The following NKAIN2 variants were observed in gnomAD, a reference collection of about 807,000 sequenced individuals.
NKAIN2 encodes the protein sodium/potassium transporting ATPase interacting 2.
In NKAIN2, 14 loss-of-function variants were observed where a neutral mutation model predicts 32.6. That is an observed-to-expected ratio of 0.43 (90% CI 0.28 to 0.67). The LOEUF (loss-of-function observed/expected upper bound fraction) is 0.67. NKAIN2 is among the 30% of genes least tolerant of loss of function. The pLI is 0.17. For synonymous variants in NKAIN2, 80 were observed against 87.2 expected, an observed-to-expected ratio of 0.92 and a Z score of 0.46; for missense variants, 198 against 258.3, an observed-to-expected ratio of 0.77 and a Z score of 1.60.
rs535682318 is a variant in NKAIN2 at position 123,905,531 on chromosome 6, G to A, written c.54+101277G>A. Among the ~76,000 whole-genome samples, 9 of 149,962 alleles carry A rather than the reference G, an allele frequency of 6.0e-5. No homozygotes were observed. The South Asian group carries it at 1.9e-3, about 31-fold the overall frequency. The stretch of plus-strand genomic sequence containing the variant: ...TCAAAACATTATTGAAAAGAGTTCA[G>A]AACAAAAGCATAGTTAGTATCTTTG... On this transcript the variant is annotated intron_variant, in intron 1 of 6. Transcript: ENST00000368417.
intron 3 of NKAIN2, among the ~76,000 whole-genome samples, chr6:124,380,544 G>C (rs1401844857): frequency 6.6e-6 from 1 of 152,132 alleles, no homozygotes; most frequent in Non-Finnish European, 1.5e-5. Context: ...TCTTAAGGAG[G>C]ATAGAAAAGC....
chr6:124,560,643 T>C (rs1056814865), intron 3 of NKAIN2, among the ~76,000 whole-genome samples: 1 of 152,182 alleles, frequency 6.6e-6, no homozygotes, highest in African/African-American at 2.4e-5. Context: ...ACTATAAGAA[T>C]TAAATGAGAA....
At chr6:124,726,408 CT>C (rs1314665366) in intron 4 of NKAIN2, among the ~76,000 whole-genome samples, 1 of 152,214 alleles carries the variant, frequency 6.6e-6, no homozygotes, top group Non-Finnish European at 1.5e-5. Flanking sequence ...CCCATGACCC[CT>C]GAGCAGCCTA....
chr6:124,790,084 TGAC>T (rs1779677945), intron 4 of NKAIN2, among the ~76,000 whole-genome samples: 1 of 152,112 alleles, frequency 6.6e-6, no homozygotes, highest in Admixed American at 6.6e-5. Flanking sequence ...TGTCCAGGAA[TGAC>T]CACTGTTTTA....
intron 3 of NKAIN2, among the ~76,000 whole-genome samples, chr6:124,574,313 TA>T (rs11326982): frequency 0.57 from 86,205 of 150,182 alleles, 24,747 homozygotes; most frequent in Admixed American, 0.62. Context: ...CAGAAAAAGT[TA>T]AAAAAAAAAA....
chr6:123,966,860 A>G (rs1044188695), intron 1 of NKAIN2, among the ~76,000 whole-genome samples: 1 of 152,172 alleles, frequency 6.6e-6, no homozygotes, highest in African/African-American at 2.4e-5. Flanking sequence ...ACATCACTGA[A>G]AATCACAGAC....
Position 124,338,779 on chromosome 6 carries a change from A to T in NKAIN2, c.193-16488A>T, listed in dbSNP as rs546582931. On this transcript the variant is annotated intron_variant, in intron 2 of 6. Transcript: ENST00000368417. ...ACATCAGCCAAATAACCAAAAAAAAATTTTCTATTTGCATGCCATTTAAAG... is the reference window on the plus strand; with the variant it reads ...ACATCAGCCAAATAACCAAAAAAAATTTTTCTATTTGCATGCCATTTAAAG... Among the ~76,000 whole-genome samples the T allele has an allele frequency of 1.2e-3, 182 of 152,280 alleles. 1 individual carries two copies. The highest frequency in any genetic ancestry group is 4.2e-3 in the African/African-American group (176 of 41,560).
At chr6:124,564,479 T>G (rs923674696) in intron 3 of NKAIN2, among the ~76,000 whole-genome samples, 2 of 95,550 alleles carry the variant, frequency 2.1e-5, no homozygotes, top group African/African-American at 5.1e-5. Flanking sequence ...GAATAAAAGC[T>G]GGCCAACCCC....
chr6:124,117,757 G>T (rs561980696), intron 1 of NKAIN2, among the ~76,000 whole-genome samples: 14 of 151,700 alleles, frequency 9.2e-5, no homozygotes, highest in Non-Finnish European at 1.9e-4. Context: ...GTTATGCAGT[G>T]ATTCAATAGC....
intron 4 of NKAIN2, among the ~76,000 whole-genome samples, chr6:124,766,276 C>T (rs1583823507): frequency 6.6e-6 from 1 of 152,158 alleles, no homozygotes; most frequent in African/African-American, 2.4e-5. Flanking sequence ...ACTTTTGAGA[C>T]TGTCGAGATG....
At chr6:124,734,821 G>A (rs548736664) in intron 4 of NKAIN2, among the ~76,000 whole-genome samples, 5 of 152,008 alleles carry the variant, frequency 3.3e-5, no homozygotes, top group African/African-American at 1.2e-4. Flanking sequence ...TACAGCTTAT[G>A]ATCCTGTTCC....
At chr6:124,265,427 A>T (rs1258806730) in intron 1 of NKAIN2, among the ~76,000 whole-genome samples, 1 of 152,220 alleles carries the variant, frequency 6.6e-6, no homozygotes, top group African/African-American at 2.4e-5. Context: ...CAGGACACAT[A>T]GCACATACCA....
At chr6:124,393,766 A>G (rs1463604332) in intron 3 of NKAIN2, among the ~76,000 whole-genome samples, 2 of 152,150 alleles carry the variant, frequency 1.3e-5, no homozygotes, top group African/African-American at 4.8e-5. Context: ...ATGGCTGTAT[A>G]AATATACTTG....
chr6:123,911,860 T>C lies in NKAIN2; in HGVS notation c.54+107606T>C, dbSNP rs915772363. Among the ~76,000 whole-genome samples the C allele has an allele frequency of 9.7e-4, 88 of 90,696 alleles. 2 individuals are homozygous for C. The highest frequency in any genetic ancestry group is 1.8e-3 in the African/African-American group (46 of 25,860). The allele number at this position is 90,696 out of a possible 152,430, so 59.5% of individuals were successfully genotyped here. A position where few individuals can be genotyped will look rare whatever the true frequency, so the allele number is the denominator to read the frequency against. On this transcript the variant is annotated intron_variant, in intron 1 of 6. Coordinates refer to ENST00000368417, the MANE Select transcript of NKAIN2 (RefSeq NM_001040214.3). ...ACACACACACACACACACACACACA[T>C]ATCAATTCCCCCCAACCCCCAAGGG...
chr6:124,142,015 G>A (rs948804005), intron 1 of NKAIN2, among the ~76,000 whole-genome samples: 2 of 152,298 alleles, frequency 1.3e-5, no homozygotes, highest in South Asian at 2.1e-4. Flanking sequence ...TAGATGCCAT[G>A]TTAGTTGCAA....
At chr6:124,019,745 A>T (rs1395045555) in intron 1 of NKAIN2, among the ~76,000 whole-genome samples, 1 of 152,200 alleles carries the variant, frequency 6.6e-6, no homozygotes, top group East Asian at 1.9e-4. Context: ...TGTTTTTTTC[A>T]TCAGCATACA....
chr6:123,913,532 CT>C (rs1775329516), intron 1 of NKAIN2, among the ~76,000 whole-genome samples: 1 of 152,122 alleles, frequency 6.6e-6, no homozygotes, highest in African/African-American at 2.4e-5. Flanking sequence ...CCTCAGTTCT[CT>C]TTATTACCTA....
At chr6:123,820,778 T>C (rs1316212086) in intron 1 of NKAIN2, among the ~76,000 whole-genome samples, 1 of 152,234 alleles carries the variant, frequency 6.6e-6, no homozygotes, top group Non-Finnish European at 1.5e-5. Flanking sequence ...AACATTTTGC[T>C]ATTTAGCCGT....
At chr6:124,344,988 T>C (rs1389380309) in intron 2 of NKAIN2, among the ~76,000 whole-genome samples, 1 of 152,226 alleles carries the variant, frequency 6.6e-6, no homozygotes, top group African/African-American at 2.4e-5. Flanking sequence ...ATAGCCCTTA[T>C]TATTTTGAGA....
Sources: allele counts gnomAD v4.1 joint callset (sites outside exome capture counted in the v4.1 genomes callset), GRCh38; gene constraint gnomAD v4.1.1; transcripts MANE v1.5; gene names NCBI Gene and HGNC (gene_info 2026-07-23, HGNC 2026-07-21).